PSD3: variants seen among roughly 807,000 people sequenced by gnomAD.
PSD3 encodes the protein PH and SEC7 domain-containing protein 3.
Under a neutral mutation model 105.5 loss-of-function variants are expected in PSD3, and 49 were observed. The observed-to-expected ratio is 0.46, with a 90% CI of 0.37 to 0.59. The LOEUF (loss-of-function observed/expected upper bound fraction) is 0.59, where lower values mean the gene tolerates loss of function less well. Ranked by LOEUF, PSD3 falls within the 20% of genes least tolerant of loss-of-function variation. PSD3 has a pLI of 0.00. For synonymous variants in PSD3, 557 were observed against 457.8 expected (o/e 1.22, Z -2.77); for missense variants, 1,561 against 1,263.8 (o/e 1.24, Z -3.57).
chr8:19,077,154 G>A (rs1422709710), intron 1 of PSD3, among the ~76,000 whole-genome samples: 1 of 152,096 alleles, frequency 6.6e-6, no homozygotes. Context: ...TGAGATAAAT[G>A]GTTTAATATT....
chr8:18,754,649 A>T lies in PSD3; in HGVS notation c.2172+10800T>A, dbSNP rs183808470. 1.7e-4 allele frequency among the ~76,000 whole-genome samples: 26 copies of T among 152,148 alleles called. No individual in the cohort carries two copies. In the Middle Eastern group the frequency reaches 0.01, roughly 60 times the overall value. On this transcript the variant is annotated intron_variant, in intron 9 of 15. Coordinates refer to ENST00000327040, the MANE Select transcript of PSD3 (RefSeq NM_015310.4). Reference sequence around the variant, plus strand: ...GGGTATTATTAAAAACAGGATCTAAATACAGGTTGTGTGAAATTTGTGAGG... The same window carrying T: ...GGGTATTATTAAAAACAGGATCTAATTACAGGTTGTGTGAAATTTGTGAGG...
chr8:18,733,242 ATC>A, intron 9 of PSD3: 1 of 152,246 alleles, frequency 6.6e-6, no homozygotes, highest in East Asian at 1.9e-4. Context: ...AAAAAGGAAA[ATC>A]TCTTTTTTTA....
chr8:18,975,676 C>T (rs2129472337), intron 1 of PSD3, among the ~76,000 whole-genome samples: 1 of 152,310 alleles, frequency 6.6e-6, no homozygotes, highest in Non-Finnish European at 1.5e-5. Context: ...TGGGAAGGTT[C>T]ATTCCACTGT....
At chr8:19,018,722 C>G (rs943967897) in intron 1 of PSD3, among the ~76,000 whole-genome samples, 3 of 152,102 alleles carry the variant, frequency 2.0e-5, no homozygotes, top group Non-Finnish European at 2.9e-5. Context: ...AGAGAAAATA[C>G]TTTTTCTTGA....
intron 2 of PSD3, among the ~76,000 whole-genome samples, chr8:18,911,980 T>C (rs1185135445): frequency 6.6e-6 from 1 of 152,198 alleles, no homozygotes; most frequent in Non-Finnish European, 1.5e-5. Flanking sequence ...AGTGGGACCT[T>C]TCACATTAGT....
intron 4 of PSD3, among the ~76,000 whole-genome samples, chr8:18,863,526 C>G (rs1816608561): frequency 6.6e-6 from 1 of 152,100 alleles, no homozygotes; most frequent in Non-Finnish European, 1.5e-5. Flanking sequence ...ATGTGGCTCA[C>G]TCATCAACAG....
chr8:19,069,753 C>T (rs543827710), intron 1 of PSD3, among the ~76,000 whole-genome samples: 1 of 152,150 alleles, frequency 6.6e-6, no homozygotes, highest in Non-Finnish European at 1.5e-5. Flanking sequence ...AATCACTCAG[C>T]TAGCTGGACT....
At chr8:18,624,522 T>A (rs1275864749) in intron 11 of PSD3, among the ~76,000 whole-genome samples, 1 of 112,606 alleles carries the variant, frequency 8.9e-6, no homozygotes, top group African/African-American at 3.5e-5. Flanking sequence ...AACATCACAC[T>A]CTGGGGACTG....
intron 1 of PSD3, among the ~76,000 whole-genome samples, chr8:18,988,361 G>GA (rs1308759825): frequency 6.6e-6 from 1 of 152,046 alleles, no homozygotes; most frequent in Non-Finnish European, 1.5e-5. Context: ...TGTTATCTTG[G>GA]AAATAAAACT....
chr8:18,530,210 T>C lies in PSD3; in HGVS notation c.*5533A>G, dbSNP rs1167491755. On this transcript the variant is annotated 3_prime_UTR_variant, in exon 16 of 16. Coordinates refer to ENST00000327040, the MANE Select transcript of PSD3 (RefSeq NM_015310.4). ...TAAAATTTTAGTCTCTAGTTACCTA[T>C]TTACACTCTATAATATAAGCAGTAA... 1 of 152,756 alleles carries C rather than the reference T, an allele frequency of 6.5e-6. No homozygotes were observed. The highest frequency in any genetic ancestry group is 1.5e-5 in the Non-Finnish European group (1 of 68,030). 9.5% of individuals were successfully genotyped at this position (152,756 alleles called of 1,614,324 possible). A position where few individuals can be genotyped will look rare whatever the true frequency, so the allele number is the denominator to read the frequency against.
At position 18,633,138 on chromosome 8, in the gene PSD3, G is replaced by A. The variant is rs938932074; in HGVS notation, c.2217-332C>T. On this transcript the variant is annotated intron_variant, in intron 10 of 15. Coordinates refer to ENST00000327040, the MANE Select transcript of PSD3 (RefSeq NM_015310.4). ...CCCTAAAGTCATTGGTCTTTTCACC[G>A]TTTACAATGCTTTCATGTTTGTCTT... Among the ~76,000 whole-genome samples the A allele has an allele frequency of 3.9e-5, 6 of 151,990 alleles. No individual in the cohort carries two copies. The East Asian group carries it at 5.8e-4, about 15-fold the overall frequency.
chr8:18,717,554 T>C (rs1407867753), intron 9 of PSD3, among the ~76,000 whole-genome samples: 4 of 152,184 alleles, frequency 2.6e-5, no homozygotes, highest in Non-Finnish European at 4.4e-5. Context: ...TGAAGCAAAA[T>C]TGCAGAAAGG....
At chr8:18,955,861 C>T (rs982689444) in intron 1 of PSD3, among the ~76,000 whole-genome samples, 2 of 152,048 alleles carry the variant, frequency 1.3e-5, no homozygotes, top group Admixed American at 6.6e-5. Context: ...CTCCGCCTCC[C>T]GGGTTCAAGT....
intron 9 of PSD3, among the ~76,000 whole-genome samples, chr8:18,666,827 G>A (rs17695622): frequency 0.045 from 6,785 of 152,196 alleles, 219 homozygotes; most frequent in Admixed American, 0.11. Flanking sequence ...GGTGAGACAA[G>A]CACATCCACT....
intron 2 of PSD3, among the ~76,000 whole-genome samples, chr8:18,906,620 C>A (rs1023475006): frequency 6.6e-6 from 1 of 152,068 alleles, no homozygotes; most frequent in Non-Finnish European, 1.5e-5. Context: ...AACTTCATAC[C>A]TTCAAATCAG....
chr8:18,584,918 A>C (rs1318605836), intron 12 of PSD3, among the ~76,000 whole-genome samples: 3 of 152,116 alleles, frequency 2.0e-5, no homozygotes, highest in Admixed American at 2.0e-4. Flanking sequence ...TGAGAGGGAG[A>C]GGGAGCGGAG....
At chr8:18,877,755 TG>T (rs1817830246) in intron 2 of PSD3, among the ~76,000 whole-genome samples, 1 of 152,080 alleles carries the variant, frequency 6.6e-6, no homozygotes, top group Non-Finnish European at 1.5e-5. Flanking sequence ...TTGCCCAGGC[TG>T]GTCTTGAACT....
chr8:18,967,814 T>A (rs1447330528), intron 1 of PSD3, among the ~76,000 whole-genome samples: 1 of 152,204 alleles, frequency 6.6e-6, no homozygotes, highest in Admixed American at 6.5e-5. Context: ...ACACAGGTTA[T>A]CAGGAAAATC....
chr8:18,821,717 A>ACACACACACACACACACACACC (rs1554513425), intron 4 of PSD3, among the ~76,000 whole-genome samples: 13 of 141,226 alleles, frequency 9.2e-5, no homozygotes, highest in South Asian at 2.3e-4. Flanking sequence ...ACACACACAC[A>ACACACACACACACACACACACC]CCCCAATAAC....
Sources: allele counts gnomAD v4.1 joint callset (sites outside exome capture counted in the v4.1 genomes callset), GRCh38; gene constraint gnomAD v4.1.1; transcripts MANE v1.5; gene names NCBI Gene and HGNC (gene_info 2026-07-23, HGNC 2026-07-21).